Variants in C1QTNF3 observed in about 807,000 individuals in gnomAD.
C1QTNF3 encodes the protein C1q and TNF related 3, also known as complement C1q tumor necrosis factor-related protein 3.
A neutral mutation model predicts 32.6 loss-of-function variants in C1QTNF3; 26 were observed. The observed-to-expected ratio is 0.80, with a 90% CI of 0.58 to 1.11. The LOEUF (loss-of-function observed/expected upper bound fraction) is 1.11. Among genes scored for constraint, C1QTNF3 ranks in the 50% least tolerant of loss-of-function variants. C1QTNF3 has a pLI of 0.00. For synonymous variants in C1QTNF3, 155 were observed against 146.0 expected, an observed-to-expected ratio of 1.06 and a Z score of -0.44; for missense variants, 362 against 398.2, an observed-to-expected ratio of 0.91 and a Z score of 0.77.
the C1QTNF3 span, among the ~76,000 whole-genome samples, chr5:34,125,821 C>A: frequency 6.6e-6 from 1 of 152,154 alleles, no homozygotes; most frequent in Non-Finnish European, 1.5e-5. Flanking sequence ...ATGGTAAACA[C>A]AATATTTGTT....
the C1QTNF3 span, among the ~76,000 whole-genome samples, chr5:34,077,783 A>G: frequency 2.0e-5 from 3 of 151,556 alleles, no homozygotes; most frequent in Non-Finnish European, 1.5e-5. Flanking sequence ...TAACTTTTAG[A>G]TAAGCCCATC....
chr5:34,054,811 C>T, the C1QTNF3 span, among the ~76,000 whole-genome samples: 1 of 152,164 alleles, frequency 6.6e-6, no homozygotes, highest in African/African-American at 2.4e-5. Context: ...TCTTCTACAT[C>T]TGTCCATGTT....
At chr5:34,174,171 C>T in the C1QTNF3 span, among the ~76,000 whole-genome samples, 1 of 152,230 alleles carries the variant, frequency 6.6e-6, no homozygotes, top group Non-Finnish European at 1.5e-5. Context: ...GATTCTCATG[C>T]CTCAGCCTCC....
the C1QTNF3 span, among the ~76,000 whole-genome samples, chr5:34,146,742 C>A: frequency 1.3e-5 from 2 of 152,198 alleles, no homozygotes; most frequent in Admixed American, 6.5e-5. Context: ...CCCTTCTTGA[C>A]AGTGGCCATG....
chr5:34,213,103 T>C, the C1QTNF3 span, among the ~76,000 whole-genome samples: 2 of 152,168 alleles, frequency 1.3e-5, no homozygotes, highest in Non-Finnish European at 2.9e-5. Context: ...AACACTACCA[T>C]AGGTCAAATG....
the C1QTNF3 span, among the ~76,000 whole-genome samples, chr5:34,096,086 T>C: frequency 4.0e-5 from 6 of 150,894 alleles, no homozygotes; most frequent in South Asian, 2.1e-4. Context: ...TTTATGCATG[T>C]TCTGAATATT....
the C1QTNF3 span, among the ~76,000 whole-genome samples, chr5:34,188,423 G>A: frequency 9.9e-5 from 15 of 152,126 alleles, no homozygotes; most frequent in African/African-American, 3.6e-4. Flanking sequence ...AAAAGCTGCA[G>A]ACACTCAATG....
intron 3 of C1QTNF3, 72 bp from the exon 4 acceptor site, chr5:34,028,955 T>A: frequency 1.5e-6 from 2 of 1,344,854 alleles, no homozygotes; most frequent in South Asian, 2.6e-5. Flanking sequence ...GCAGATTAGT[T>A]TGTTAAACAT....
the C1QTNF3 span, among the ~76,000 whole-genome samples, chr5:34,183,322 A>ATTTTTTTTTTTTT: frequency 4.2e-4 from 54 of 128,964 alleles, no homozygotes; most frequent in South Asian, 7.2e-4. Context: ...TAATTTTTTA[A>ATTTTTTTTTTTTT]TTTTCTTTTT....
rs1257465114 is a variant in C1QTNF3 at position 34,017,875 on chromosome 5, T to C, written c.*2708A>G. Among the ~76,000 whole-genome samples, 1 of 151,934 alleles carries C rather than the reference T, an allele frequency of 6.6e-6. No homozygotes were observed. Among genetic ancestry groups the C allele is most frequent in the East Asian group, 1.9e-4 (1 of 5,188 alleles). The stretch of plus-strand genomic sequence containing the variant: ...GGAAATAATTATATGCACACATAGT[T>C]TATTTTTTTAAAAAGAGAATGCTCA... On this transcript the variant is annotated 3_prime_UTR_variant, in exon 6 of 6. Transcript: ENST00000382065.
chr5:34,210,666 T>C, the C1QTNF3 span, among the ~76,000 whole-genome samples: 3 of 152,086 alleles, frequency 2.0e-5, no homozygotes, highest in Non-Finnish European at 4.4e-5. Flanking sequence ...AGACAGACAT[T>C]ATCATTTTTA....
At chr5:34,102,209 G>T in the C1QTNF3 span, among the ~76,000 whole-genome samples, 12 of 152,090 alleles carry the variant, frequency 7.9e-5, no homozygotes, top group South Asian at 1.9e-3. Flanking sequence ...TTTTAAATAC[G>T]CCATTGTAAT....
chr5:34,232,739 C>A, the C1QTNF3 span, among the ~76,000 whole-genome samples: 2 of 152,006 alleles, frequency 1.3e-5, no homozygotes, highest in Non-Finnish European at 2.9e-5. Context: ...TCAATTAAAT[C>A]TCTTTTCTTC....
the C1QTNF3 span, chr5:34,105,999 AT>A: frequency 3.4e-5 from 5 of 145,620 alleles, no homozygotes; most frequent in Non-Finnish European, 7.5e-5. Context: ...AAATTAGCAG[AT>A]TTTTTAGGCA....
the C1QTNF3 span, among the ~76,000 whole-genome samples, chr5:34,203,580 G>T: frequency 6.6e-6 from 1 of 151,530 alleles, no homozygotes; most frequent in African/African-American, 2.4e-5. Context: ...CATCTACTTG[G>T]GAGGCTGAAG....
chr5:34,225,143 T>C, the C1QTNF3 span, among the ~76,000 whole-genome samples: 2 of 151,944 alleles, frequency 1.3e-5, no homozygotes, highest in African/African-American at 4.8e-5. Context: ...AATAGCTCTG[T>C]GGCATAGAGG....
the C1QTNF3 span, among the ~76,000 whole-genome samples, chr5:34,120,758 C>A: frequency 6.6e-6 from 1 of 152,154 alleles, no homozygotes; most frequent in Non-Finnish European, 1.5e-5. Flanking sequence ...GTGAGGCCTC[C>A]CCAGCCACGT....
At chr5:34,100,590 C>T in the C1QTNF3 span, among the ~76,000 whole-genome samples, 3 of 150,356 alleles carry the variant, frequency 2.0e-5, no homozygotes, top group Non-Finnish European at 4.4e-5. Context: ...AACATATTTA[C>T]ATACTGTTTT....
chr5:34,024,100 TG>T (rs1294358744), intron 4 of C1QTNF3, 92 bp from the exon 5 acceptor site: 2 of 865,758 alleles, frequency 2.3e-6, no homozygotes, highest in African/African-American at 3.3e-5. Flanking sequence ...TGCCTTCACA[TG>T]TCTTTTATTG....
Sources: gnomAD v4.1 joint callset for allele counts (sites outside exome capture counted in the v4.1 genomes callset) on GRCh38, gnomAD v4.1.1 for gene constraint, MANE v1.5 for transcripts, NCBI Gene and HGNC (gene_info 2026-07-23, HGNC 2026-07-21) for gene names.